Variants in LUZP1 observed in about 807,000 individuals in gnomAD.
LUZP1 encodes filamin mechanobinding actin cross-linking protein.
In LUZP1, 25 loss-of-function variants were observed where a neutral mutation model predicts 71.3. The observed-to-expected ratio is 0.35, with a 90% confidence interval of 0.26 to 0.49. LUZP1 has a LOEUF of 0.49. Ranked by LOEUF, LUZP1 falls within the 20% of genes least tolerant of loss-of-function variation. The pLI is 0.99. For missense variants in LUZP1, 1,142 were observed against 1,300.8 expected (o/e 0.88, Z 1.88); for synonymous variants, 481 against 506.4 (o/e 0.95, Z 0.67).
intron 3 of LUZP1, among the ~76,000 whole-genome samples, chr1:23,102,157 T>A (rs1643936671): frequency 6.6e-6 from 1 of 152,086 alleles, no homozygotes; most frequent in Non-Finnish European, 1.5e-5. Flanking sequence ...TGGGAAACCA[T>A]AAGAAGGTTT....
chr1:23,089,896 G>A (rs933535740), intron 4 of LUZP1, among the ~76,000 whole-genome samples: 5 of 152,130 alleles, frequency 3.3e-5, no homozygotes, highest in Non-Finnish European at 7.3e-5. Flanking sequence ...GAGTAGCTGC[G>A]ATTACAGGCA....
intron 1 of LUZP1, 194 bp from the exon 1 acceptor site, chr1:23,169,050 A>C (rs1200895173): frequency 6.6e-6 from 1 of 152,084 alleles, no homozygotes; most frequent in Non-Finnish European, 1.5e-5. Context: ...GGAAGACAAG[A>C]CTTCTCGATT....
intron 2 of LUZP1, among the ~76,000 whole-genome samples, chr1:23,135,257 T>C (rs562312872): frequency 6.6e-6 from 1 of 152,328 alleles, no homozygotes; most frequent in African/African-American, 2.4e-5. Flanking sequence ...GAAATAAAGA[T>C]TATAAATAGC....
chr1:23,111,813 C>A (rs1208995929), intron 2 of LUZP1, among the ~76,000 whole-genome samples: 6 of 151,814 alleles, frequency 4.0e-5, no homozygotes, highest in East Asian at 1.9e-4. Context: ...CACCGCCCCC[C>A]CACACACACA....
chr1:23,153,175 A>G (rs1260934961), intron 2 of LUZP1, among the ~76,000 whole-genome samples: 1 of 152,156 alleles, frequency 6.6e-6, no homozygotes, highest in East Asian at 1.9e-4. Context: ...AATCTCAATG[A>G]GCATTACTTC....
chr1:23,133,091 C>G lies in LUZP1; in HGVS notation c.-225-23964G>C, dbSNP rs997044131. On this transcript the variant is annotated intron_variant, in intron 2 of 4. Coordinates refer to ENST00000302291, the Ensembl canonical transcript of LUZP1. ...GCCTTGGGCTCAGAAAAGAAAGACA[C>G]TCTATTTTGGAAGCCTGCTTCTAGA... Among the ~76,000 whole-genome samples, 7 of 152,312 alleles carry G rather than the reference C, an allele frequency of 4.6e-5. No homozygotes were observed. The East Asian group carries it at 9.6e-4, about 21-fold the overall frequency.
At chr1:23,135,311 T>C (rs372043413) in intron 2 of LUZP1, among the ~76,000 whole-genome samples, 1 of 152,246 alleles carries the variant, frequency 6.6e-6, no homozygotes, top group Non-Finnish European at 1.5e-5. Context: ...CAAATTACTT[T>C]ATTCATTTTA....
Position 23,145,749 on chromosome 1 carries a change from C to T in LUZP1, c.-226+23017G>A, listed in dbSNP as rs569978268. On this transcript the variant is annotated intron_variant, in intron 2 of 4. Transcript: ENST00000302291. Reference sequence around the variant, plus strand: ...GCCTCCCAAAGTGCTGGGGGATTACCGGCGTGAGCCACTGCAGCTGGCCAA... The same window carrying T: ...GCCTCCCAAAGTGCTGGGGGATTACTGGCGTGAGCCACTGCAGCTGGCCAA... 2.6e-4 allele frequency among the ~76,000 whole-genome samples: 40 copies of T among 152,050 alleles called. 1 individual carries two copies. Among genetic ancestry groups the T allele is most frequent in the African/African-American group, 9.4e-4 (39 of 41,514 alleles).
chr1:23,089,319 C>T (rs1042579942), intron 4 of LUZP1, among the ~76,000 whole-genome samples: 5 of 152,168 alleles, frequency 3.3e-5, no homozygotes, highest in African/African-American at 1.2e-4. Flanking sequence ...AGGAGCCTTA[C>T]AGAGGATAGA....
At position 23,094,503 on chromosome 1, in the gene LUZP1, G is replaced by A. The variant is rs1643882771; in HGVS notation, c.-119-123C>T. 3.9e-6 allele frequency: 2 copies of A among 513,474 alleles called. No individual in the cohort carries two copies. Among genetic ancestry groups the A allele is most frequent in the Non-Finnish European group, 6.0e-6 (2 of 334,632 alleles). The allele number at this position is 513,474 out of a possible 1,614,324, so 31.8% of individuals were successfully genotyped here. A position where few individuals can be genotyped will look rare whatever the true frequency, so the allele number is the denominator to read the frequency against. On this transcript the variant is annotated intron_variant, in intron 3 of 4. Transcript: ENST00000302291. The surrounding 1 kb of genome is among the most constrained non-coding windows in gnomAD (Gnocchi z 4.7). ...TGGATCATAGCAGGGGCTCAAACCT[G>A]TTGAATGAATGACTTGAATAAACCT...
chr1:23,140,374 A>T (rs963947067), intron 2 of LUZP1: 7 of 152,054 alleles, frequency 4.6e-5, no homozygotes, highest in Non-Finnish European at 1.0e-4. Context: ...TTCAAGCAGA[A>T]CCCCAAGCAG....
chr1:23,092,553 G>A (rs775005261), exon 4 of LUZP1: 2 of 1,614,082 alleles, frequency 1.2e-6, no homozygotes, highest in Non-Finnish European at 1.7e-6. Context: ...GGATCTTCGA[G>A]ATGAGGCCAG....
At chr1:23,118,406 A>T (rs1310285420) in intron 2 of LUZP1, among the ~76,000 whole-genome samples, 2 of 152,178 alleles carry the variant, frequency 1.3e-5, no homozygotes, top group Non-Finnish European at 1.5e-5. Context: ...TCAAAAAAAA[A>T]TTAAAATTAA....
intron 2 of LUZP1, among the ~76,000 whole-genome samples, chr1:23,154,093 GACT>G (rs1644403522): frequency 6.6e-6 from 1 of 152,142 alleles, no homozygotes; most frequent in Non-Finnish European, 1.5e-5. Flanking sequence ...ACAGACTACA[GACT>G]ACCACTTACA....
intron 2 of LUZP1, among the ~76,000 whole-genome samples, chr1:23,117,478 C>T (rs138132225): frequency 0.012 from 214 of 17,410 alleles, 2 homozygotes; most frequent in African/African-American, 0.034. Flanking sequence ...TCTCTCTCTC[C>T]CCCCCCCCCC....
At chr1:23,165,970 AG>A (rs1227435676) in intron 2 of LUZP1, among the ~76,000 whole-genome samples, 2 of 151,904 alleles carry the variant, frequency 1.3e-5, no homozygotes, top group African/African-American at 2.4e-5. Flanking sequence ...TTTCATCATA[AG>A]AAATAAGTAA....
At chr1:23,142,412 T>C (rs1202211563) in intron 2 of LUZP1, among the ~76,000 whole-genome samples, 2 of 152,188 alleles carry the variant, frequency 1.3e-5, no homozygotes, top group African/African-American at 4.8e-5. Flanking sequence ...GGTTCTTCTC[T>C]TAAGGCAATG....
At chr1:23,174,082 G>A (rs1396443464) in intron 1 of LUZP1, among the ~76,000 whole-genome samples, 1 of 152,048 alleles carries the variant, frequency 6.6e-6, no homozygotes, top group East Asian at 1.9e-4. Context: ...TATGAGAATT[G>A]GCTCACAAGA....
intron 2 of LUZP1, among the ~76,000 whole-genome samples, chr1:23,144,520 G>A (rs1418791230): frequency 6.6e-6 from 1 of 152,168 alleles, no homozygotes; most frequent in Non-Finnish European, 1.5e-5. Context: ...TGGTAGCTCA[G>A]GTCTCCTCTC....
Sources: gnomAD v4.1 joint callset for allele counts (sites outside exome capture counted in the v4.1 genomes callset) on GRCh38, gnomAD v4.1.1 for gene constraint, Gnocchi (gnomAD v3.1) non-coding constraint, MANE v1.5 for transcripts, NCBI Gene and HGNC (gene_info 2026-07-23, HGNC 2026-07-21) for gene names.